The following GPC6 variants were observed in gnomAD, a reference collection of about 807,000 sequenced individuals.
GPC6 encodes the protein glypican-6.
Under a neutral mutation model 55.2 loss-of-function variants are expected in GPC6, and 14 were observed. The ratio of observed to expected loss-of-function variants is 0.25; its 90% CI spans 0.17 to 0.40. The LOEUF (loss-of-function observed/expected upper bound fraction) is 0.40, where lower values mean the gene tolerates loss of function less well. GPC6 is among the 10% of genes least tolerant of loss of function. The pLI is 1.00. For missense variants in GPC6, 641 were observed against 708.5 expected, an observed-to-expected ratio of 0.90 and a Z score of 1.08; for synonymous variants, 278 against 259.6, an observed-to-expected ratio of 1.07 and a Z score of -0.68.
At chr13:94,232,619 A>T (rs540482332) in intron 4 of GPC6, among the ~76,000 whole-genome samples, 2 of 152,084 alleles carry the variant, frequency 1.3e-5, no homozygotes, top group Non-Finnish European at 2.9e-5. Context: ...TAACTTTCCT[A>T]TTTTACATAT....
intron 1 of GPC6, among the ~76,000 whole-genome samples, chr13:93,269,719 A>T (rs1201619793): frequency 6.7e-6 from 1 of 150,284 alleles, no homozygotes; most frequent in Admixed American, 6.6e-5. Context: ...AGGTCAGGAG[A>T]TCAAGACTAT....
At chr13:93,221,733 C>A in the GPC6 span, among the ~76,000 whole-genome samples, 2 of 152,166 alleles carry the variant, frequency 1.3e-5, no homozygotes, top group Non-Finnish European at 2.9e-5. Flanking sequence ...ATTATCCAGG[C>A]ACCTGGCAGA....
intron 1 of GPC6, among the ~76,000 whole-genome samples, chr13:93,371,619 A>G (rs192395610): frequency 3.3e-4 from 50 of 152,248 alleles, no homozygotes; most frequent in African/African-American, 1.1e-3. Context: ...CTGTGCTCTC[A>G]TGGAGCTTAC....
chr13:94,214,824 C>G (rs553115756), intron 4 of GPC6, among the ~76,000 whole-genome samples: 1 of 152,210 alleles, frequency 6.6e-6, no homozygotes, highest in South Asian at 2.1e-4. Flanking sequence ...CTTTCTGTGC[C>G]CTTTGGTAGT....
intron 2 of GPC6, among the ~76,000 whole-genome samples, chr13:93,557,583 A>G (rs1875547981): frequency 6.6e-6 from 1 of 152,178 alleles, no homozygotes; most frequent in African/African-American, 2.4e-5. Flanking sequence ...GCTTGTTCTC[A>G]TTCTCTGGGC....
intron 3 of GPC6, among the ~76,000 whole-genome samples, chr13:94,021,890 G>T (rs1348732727): frequency 6.6e-6 from 1 of 151,736 alleles, no homozygotes; most frequent in African/African-American, 2.4e-5. Context: ...TTTCAGTAGT[G>T]GGAAAATTAA....
At chr13:93,218,949 A>G in the GPC6 span, among the ~76,000 whole-genome samples, 1 of 152,222 alleles carries the variant, frequency 6.6e-6, no homozygotes, top group Non-Finnish European at 1.5e-5. Context: ...AGACATTATA[A>G]AAGAATCAGC....
intron 1 of GPC6, among the ~76,000 whole-genome samples, chr13:93,432,917 GAGAT>G (rs1270099579): frequency 6.7e-6 from 1 of 150,002 alleles, no homozygotes; most frequent in African/African-American, 2.5e-5. Context: ...GAGAGGGAGA[GAGAT>G]AGAATAGGAG....
chr13:94,189,829 G>A (rs1889325324), intron 4 of GPC6, among the ~76,000 whole-genome samples: 1 of 152,056 alleles, frequency 6.6e-6, no homozygotes, highest in Admixed American at 6.5e-5. Context: ...AGACCATCCT[G>A]GCTAACATGG....
intron 4 of GPC6, among the ~76,000 whole-genome samples, chr13:94,212,026 C>A (rs1347081166): frequency 6.6e-6 from 1 of 152,132 alleles, no homozygotes; most frequent in East Asian, 1.9e-4. Context: ...CTAAAAAAAT[C>A]AATGAGGACT....
intron 2 of GPC6, among the ~76,000 whole-genome samples, chr13:93,633,916 C>G (rs1252993150): frequency 6.6e-6 from 1 of 152,066 alleles, no homozygotes; most frequent in Non-Finnish European, 1.5e-5. Context: ...AGTTGAAAGA[C>G]CCCATAATTT....
At chr13:93,584,661 C>T (rs981609128) in intron 2 of GPC6, among the ~76,000 whole-genome samples, 3 of 147,608 alleles carry the variant, frequency 2.0e-5, no homozygotes, top group Non-Finnish European at 4.4e-5. Context: ...GTATAATGCA[C>T]GTTACCATGT....
intron 2 of GPC6, among the ~76,000 whole-genome samples, chr13:93,653,439 C>T (rs1054071368): frequency 3.3e-5 from 5 of 152,086 alleles, no homozygotes; most frequent in Admixed American, 6.6e-5. Context: ...AAATGAATCT[C>T]GGCTTTTGGC....
At chr13:93,573,210 C>T (rs1356765726) in intron 2 of GPC6, among the ~76,000 whole-genome samples, 2 of 151,588 alleles carry the variant, frequency 1.3e-5, no homozygotes, top group Non-Finnish European at 2.9e-5. Context: ...ATGTGATGAA[C>T]ACTATAAATA....
At chr13:94,035,155 T>C (rs1381625109) in intron 4 of GPC6, among the ~76,000 whole-genome samples, 1 of 152,074 alleles carries the variant, frequency 6.6e-6, no homozygotes, top group African/African-American at 2.4e-5. Context: ...TTTATTTATA[T>C]ATAAAACGTA....
At chr13:94,312,916 CAA>C (rs1456651395) in intron 6 of GPC6, among the ~76,000 whole-genome samples, 1 of 152,236 alleles carries the variant, frequency 6.6e-6, no homozygotes, top group Non-Finnish European at 1.5e-5. Flanking sequence ...CCCCAGCAAA[CAA>C]ATGGCTACTG....
intron 1 of GPC6, among the ~76,000 whole-genome samples, chr13:93,537,047 A>G (rs952633753): frequency 1.3e-5 from 2 of 152,184 alleles, no homozygotes; most frequent in African/African-American, 4.8e-5. Context: ...ATGAGGGATA[A>G]TAATGAGTGG....
chr13:93,832,906 A>C (rs2138985502), intron 3 of GPC6, among the ~76,000 whole-genome samples: 1 of 152,250 alleles, frequency 6.6e-6, no homozygotes, highest in South Asian at 2.1e-4. Flanking sequence ...GTGGGCATGG[A>C]ATATAGTCCG....
At chr13:93,784,945 A>C (rs868325956) in intron 2 of GPC6, among the ~76,000 whole-genome samples, 26 of 152,206 alleles carry the variant, frequency 1.7e-4, no homozygotes, top group Admixed American at 1.1e-3. Flanking sequence ...ATTGAATTTA[A>C]ATGGAAGTAG....
Sources: gnomAD v4.1 joint callset for allele counts (sites outside exome capture counted in the v4.1 genomes callset) on GRCh38, gnomAD v4.1.1 for gene constraint, MANE v1.5 for transcripts, NCBI Gene and HGNC (gene_info 2026-07-23, HGNC 2026-07-21) for gene names.